The following CCDC32 variants were observed in gnomAD, a reference collection of about 807,000 sequenced individuals.
CCDC32 encodes coiled-coil domain-containing protein 32.
Under a neutral mutation model 20.1 loss-of-function variants are expected in CCDC32, and 9 were observed. The observed-to-expected ratio is 0.45, with a 90% CI of 0.27 to 0.78. The LOEUF is 0.78. Among genes scored for constraint, CCDC32 ranks in the 30% least tolerant of loss-of-function variants. The probability of loss-of-function intolerance (pLI) is 0.16; values close to 1 mark genes in which losing one functional copy is unlikely to be tolerated. For synonymous variants in CCDC32, 63 were observed against 79.0 expected (o/e 0.80, Z 1.07); for missense variants, 204 against 215.5 (o/e 0.95, Z 0.33).
downstream of CCDC32, among the ~76,000 whole-genome samples, chr15:40,533,091 T>A (rs556820069): frequency 3.9e-5 from 6 of 152,306 alleles, no homozygotes; most frequent in Non-Finnish European, 7.4e-5. Flanking sequence ...ATGAGCTCTG[T>A]ACCAGGTGCT....
downstream of CCDC32, chr15:40,536,254 T>C (rs1283440084): frequency 2.6e-5 from 4 of 152,302 alleles, no homozygotes; most frequent in Non-Finnish European, 5.9e-5. Flanking sequence ...ATTAAGACTG[T>C]GCTCTGTTCC....
intron 2 of CCDC32, chr15:40,561,903 A>G (rs1219415075): frequency 3.0e-5 from 4 of 135,126 alleles, no homozygotes; most frequent in Admixed American, 1.0e-4. Context: ...GCATGGGACA[A>G]TTTGAATCTC....
downstream of CCDC32, chr15:40,536,766 C>T (rs1243274969): frequency 6.6e-6 from 1 of 152,238 alleles, no homozygotes; most frequent in Non-Finnish European, 1.5e-5. Flanking sequence ...TGGAGGTTCA[C>T]AGGTCACACT....
chr15:40,521,379 A>T, the CCDC32 span, among the ~76,000 whole-genome samples: 1 of 152,204 alleles, frequency 6.6e-6, no homozygotes, highest in African/African-American at 2.4e-5. Context: ...AGCATGTATC[A>T]GTACTTCATT....
intron 2 of CCDC32, among the ~76,000 whole-genome samples, chr15:40,558,685 G>A (rs925235924): frequency 6.6e-6 from 1 of 152,102 alleles, no homozygotes; most frequent in African/African-American, 2.4e-5. Flanking sequence ...CAACAGAAAT[G>A]ACTCTTATTT....
downstream of CCDC32, among the ~76,000 whole-genome samples, chr15:40,550,883 A>C (rs1393764046): frequency 6.6e-6 from 1 of 152,208 alleles, no homozygotes; most frequent in Non-Finnish European, 1.5e-5. Context: ...AAGTAGGGAA[A>C]AGGCAAAGCT....
chr15:40,535,211 G>A, downstream of CCDC32: 1 of 1,411,882 alleles, frequency 7.1e-7, no homozygotes, highest in Non-Finnish European at 9.3e-7. Context: ...TGCAGAGGTG[G>A]GGAGGCCACT....
At chr15:40,534,993 A>G (rs1468405075), downstream of CCDC32, 8 of 703,166 alleles carry the variant, frequency 1.1e-5, no homozygotes, top group Admixed American at 4.0e-5. Context: ...TAGTGACTTG[A>G]TCTTCCCGAG....
intron 3 of CCDC32, among the ~76,000 whole-genome samples, chr15:40,541,210 G>A (rs1011711033): frequency 5.3e-5 from 8 of 152,204 alleles, no homozygotes; most frequent in Non-Finnish European, 7.3e-5. Context: ...CTGCAGGGCT[G>A]CCTGAAAGTG....
rs1435144346 is a variant in CCDC32, at chr15:40,557,240, A to G, written c.377T>C (p.Val126Ala). The G allele has an allele frequency of 2.5e-6, 4 of 1,613,636 alleles. No individual in the cohort carries two copies. The highest frequency in any genetic ancestry group is 1.3e-5 in the African/African-American group (1 of 75,042). ...LQEKLASEFFVDGLDSDESTL... is the reference protein window; with the variant it reads ...LQEKLASEFFADGLDSDESTL... ...CCTCTCATCAGAATCAAGTCCATCC[A>G]CAAAGAACTCTGAAGCTAACTTCTC... The change falls in exon 3 of 4, where the codon GTG (valine) becomes GCG (alanine). Residue 126 changes from valine (V) to alanine (A), a missense_variant. Coordinates refer to ENST00000416810, the MANE Select transcript of CCDC32 (RefSeq NM_001080792.4).
chr15:40,544,641 G>A (rs971861045), intron 3 of CCDC32, among the ~76,000 whole-genome samples: 1 of 152,204 alleles, frequency 6.6e-6, no homozygotes, highest in African/African-American at 2.4e-5. Context: ...ACAGTGGGAG[G>A]AAGAGAGGCT....
chr15:40,545,557 A>ACT (rs1889584521), intron 3 of CCDC32, among the ~76,000 whole-genome samples: 1 of 152,188 alleles, frequency 6.6e-6, no homozygotes, highest in South Asian at 2.1e-4. Flanking sequence ...CCACACATTG[A>ACT]CTAATAGGAA....
downstream of CCDC32, among the ~76,000 whole-genome samples, chr15:40,551,348 C>G (rs755883950): frequency 3.9e-5 from 6 of 152,096 alleles, no homozygotes; most frequent in Non-Finnish European, 7.4e-5. Flanking sequence ...CGCCACTGCA[C>G]TCCAGCCTGG....
chr15:40,535,437 T>C (rs1421180479), downstream of CCDC32: 3 of 997,762 alleles, frequency 3.0e-6, no homozygotes, highest in African/African-American at 5.2e-5. Flanking sequence ...ATGAGCATTC[T>C]CTCATTTGAT....
downstream of CCDC32, chr15:40,535,001 G>C (rs57374749): frequency 1.4e-6 from 1 of 703,812 alleles, no homozygotes; most frequent in African/African-American, 1.7e-5. Context: ...TGATCTTCCC[G>C]AGCCCATGCC....
At chr15:40,563,220 A>G (rs1299314957) in intron 1 of CCDC32, among the ~76,000 whole-genome samples, 193 bp from the exon 2 acceptor site, 5 of 152,052 alleles carry the variant, frequency 3.3e-5, no homozygotes, top group Admixed American at 6.6e-5. Flanking sequence ...AAAATTAGAC[A>G]GGTGTGGTGG....
chr15:40,556,612 C>G (rs1299313727), intron 3 of CCDC32: 1 of 152,208 alleles, frequency 6.6e-6, no homozygotes, highest in African/African-American at 2.4e-5. Context: ...CCGAGGCAGG[C>G]AGATCACCTG....
downstream of CCDC32, among the ~76,000 whole-genome samples, chr15:40,532,721 T>TTTC (rs1566978157): frequency 7.1e-6 from 1 of 139,884 alleles, no homozygotes; most frequent in African/African-American, 2.7e-5. Context: ...TTTCTTTTTT[T>TTTC]TTTTTTTTTT....
At chr15:40,562,158 CTT>C (rs1170214418) in intron 2 of CCDC32, 1 of 151,550 alleles carries the variant, frequency 6.6e-6, no homozygotes, top group African/African-American at 2.4e-5. Context: ...AGGTTTAACA[CTT>C]TTGAGTTATT....
Sources: allele counts gnomAD v4.1 joint callset (sites outside exome capture counted in the v4.1 genomes callset), GRCh38; gene constraint gnomAD v4.1.1; transcripts MANE v1.5; gene names NCBI Gene and HGNC (gene_info 2026-07-23, HGNC 2026-07-21).